The following GPC6 variants were observed in gnomAD, a reference collection of about 807,000 sequenced individuals.
GPC6 encodes glypican-6.
Under a neutral mutation model 55.2 loss-of-function variants are expected in GPC6, and 14 were observed. The ratio of observed to expected loss-of-function variants is 0.25; its 90% confidence interval spans 0.17 to 0.40. The LOEUF is 0.40. GPC6 is among the 10% of genes least tolerant of loss of function. The probability of loss-of-function intolerance (pLI) is 1.00; values close to 1 mark genes in which losing one functional copy is unlikely to be tolerated. For synonymous variants in GPC6, 278 were observed against 259.6 expected (o/e 1.07, Z -0.68); for missense variants, 641 against 708.5 (o/e 0.90, Z 1.08).
At chr13:94,387,544 T>C (rs1880461532) in intron 7 of GPC6, among the ~76,000 whole-genome samples, 1 of 152,230 alleles carries the variant, frequency 6.6e-6, no homozygotes, top group Non-Finnish European at 1.5e-5. Context: ...GGAGATCTTA[T>C]TAAAATGCAG....
intron 4 of GPC6, among the ~76,000 whole-genome samples, chr13:94,142,239 T>G (rs1384522359): frequency 1.3e-5 from 2 of 152,222 alleles, no homozygotes; most frequent in Non-Finnish European, 2.9e-5. Context: ...ACTTATTATT[T>G]TCTTTTGGCC....
At chr13:94,378,575 G>T (rs1424621580) in intron 6 of GPC6, among the ~76,000 whole-genome samples, 1 of 152,098 alleles carries the variant, frequency 6.6e-6, no homozygotes, top group Non-Finnish European at 1.5e-5. Context: ...AAGAGTGTTT[G>T]TCTCTACTGA....
At chr13:93,676,160 TATATATATACATACAC>T (rs1279513694) in intron 2 of GPC6, among the ~76,000 whole-genome samples, 28 of 24,756 alleles carry the variant, frequency 1.1e-3, no homozygotes, top group African/African-American at 2.5e-3. Flanking sequence ...TATATATATA[TATATATATACATACAC>T]ACACACACAC....
In GPC6 at chr13:94,335,797, C is replaced by T. The variant is rs114527048; in HGVS notation, c.1152+29674C>T. Among the ~76,000 whole-genome samples, 478 of 151,918 alleles carry T rather than the reference C, an allele frequency of 3.1e-3. 8 individuals carry two copies. Among genetic ancestry groups the T allele is most frequent in the African/African-American group, 0.011 (454 of 41,510 alleles). ...AGAGACTCCAGAGTTATTATCTGAA[C>T]TTTAGGGAGAACATCCATGCCAAAA... On this transcript the variant is annotated intron_variant, in intron 6 of 8. Transcript: ENST00000377047.
At chr13:93,914,264 T>C (rs1379114954) in intron 3 of GPC6, among the ~76,000 whole-genome samples, 1 of 151,876 alleles carries the variant, frequency 6.6e-6, no homozygotes, top group Non-Finnish European at 1.5e-5. Context: ...CCCCTTCCTG[T>C]GTCCATGTGT....
At chr13:93,242,482 C>A (rs966423139) in intron 1 of GPC6, among the ~76,000 whole-genome samples, 1 of 152,174 alleles carries the variant, frequency 6.6e-6, no homozygotes, top group Admixed American at 6.5e-5. Flanking sequence ...GACACAGTCA[C>A]CCCAAAATGC....
At position 93,407,748 on chromosome 13, in the gene GPC6, G is replaced by T. The variant is rs536483357; in HGVS notation, c.161-137515G>T. 2.0e-4 allele frequency among the ~76,000 whole-genome samples: 31 copies of T among 152,264 alleles called. No individual in the cohort carries two copies. The South Asian group carries it at 6.2e-3, about 31-fold the overall frequency. ...GATGACAAGGGTTCCATCTCATTCT[G>T]CTCAGATTCTGTGGGTAACTTTGAG... On this transcript the variant is annotated intron_variant, in intron 1 of 8. Coordinates refer to ENST00000377047, the MANE Select transcript of GPC6 (RefSeq NM_005708.5).
intron 6 of GPC6, among the ~76,000 whole-genome samples, chr13:94,347,223 T>A (rs1287753876): frequency 6.6e-6 from 1 of 152,142 alleles, no homozygotes; most frequent in Non-Finnish European, 1.5e-5. Flanking sequence ...CCAGGATGGT[T>A]CTTCTGAACC....
intron 2 of GPC6, among the ~76,000 whole-genome samples, chr13:93,691,767 T>C (rs1594375852): frequency 6.6e-6 from 1 of 152,124 alleles, no homozygotes; most frequent in Admixed American, 6.6e-5. Flanking sequence ...TGATAAGTTA[T>C]GAAATTTAAA....
chr13:93,262,566 T>TC (rs1186804315), intron 1 of GPC6, among the ~76,000 whole-genome samples: 3 of 152,216 alleles, frequency 2.0e-5, no homozygotes, highest in Non-Finnish European at 4.4e-5. Context: ...TTGTAATTCT[T>TC]CCAGTGATAG....
chr13:93,837,003 G>A (rs1887759426), intron 3 of GPC6, among the ~76,000 whole-genome samples: 1 of 152,148 alleles, frequency 6.6e-6, no homozygotes, highest in African/African-American at 2.4e-5. Context: ...TGATTATATT[G>A]ATTGAAACAA....
chr13:93,582,296 T>A (rs1460018817), intron 2 of GPC6, among the ~76,000 whole-genome samples: 2 of 152,216 alleles, frequency 1.3e-5, no homozygotes, highest in Admixed American at 6.5e-5. Flanking sequence ...AGAGAGCCTA[T>A]GTCATGGAGT....
intron 2 of GPC6, among the ~76,000 whole-genome samples, chr13:93,805,570 T>C (rs1886520188): frequency 6.6e-6 from 1 of 152,260 alleles, no homozygotes; most frequent in Admixed American, 6.5e-5. Flanking sequence ...ACTTGAACTA[T>C]GTAATGCATG....
chr13:93,665,897 G>A (rs1881112863), intron 2 of GPC6, among the ~76,000 whole-genome samples: 1 of 152,158 alleles, frequency 6.6e-6, no homozygotes, highest in Non-Finnish European at 1.5e-5. Flanking sequence ...TGTGGCCGAA[G>A]ATCAATCATT....
intron 2 of GPC6, among the ~76,000 whole-genome samples, chr13:93,600,222 A>C (rs141229308): frequency 6.6e-6 from 1 of 152,254 alleles, no homozygotes; most frequent in Non-Finnish European, 1.5e-5. Context: ...AAATACAGTT[A>C]CTAAGCATCA....
At chr13:93,354,639 T>G (rs9561325) in intron 1 of GPC6, among the ~76,000 whole-genome samples, 1 of 151,406 alleles carries the variant, frequency 6.6e-6, no homozygotes, top group Non-Finnish European at 1.5e-5. Context: ...GCTGGGATTA[T>G]AGGCGTGAGC....
intron 4 of GPC6, among the ~76,000 whole-genome samples, chr13:94,082,324 A>G (rs530466014): frequency 6.6e-6 from 1 of 152,174 alleles, no homozygotes; most frequent in Admixed American, 6.5e-5. Flanking sequence ...CCACCTCTTC[A>G]TAGTTTCCCT....
chr13:94,404,848 T>C lies in GPC6; in HGVS notation c.*1631T>C, dbSNP rs2139236385. The C allele has an allele frequency of 6.6e-6, 1 of 152,342 alleles. No individual in the cohort carries two copies. Among genetic ancestry groups the C allele is most frequent in the South Asian group, 2.1e-4 (1 of 4,832 alleles). 9.4% of individuals were successfully genotyped at this position (152,342 alleles called of 1,614,324 possible). On this transcript the variant is annotated 3_prime_UTR_variant, in exon 9 of 9. Transcript: ENST00000377047. ...ACCAAGTAGGCCAAAGCCAGGCCTTTCGCTCCCCCTGACAGAGAGAAGCAA... is the reference window on the plus strand; with the variant it reads ...ACCAAGTAGGCCAAAGCCAGGCCTTCCGCTCCCCCTGACAGAGAGAAGCAA...
In GPC6 at chr13:93,680,035, A is replaced by T. The variant is rs927755060; in HGVS notation, c.319+134614A>T. On this transcript the variant is annotated intron_variant, in intron 2 of 8. Transcript: ENST00000377047. ...GGATATGGAGAAATAGAAACAAGGG[A>T]CTCTTATGGGTTGAATCGTGTTTTC... Among the ~76,000 whole-genome samples the T allele has an allele frequency of 2.0e-5, 3 of 151,986 alleles. No individual in the cohort carries two copies. In the East Asian group the frequency reaches 5.8e-4, roughly 29 times the overall value.
Sources: gnomAD v4.1 joint callset for allele counts (sites outside exome capture counted in the v4.1 genomes callset) on GRCh38, gnomAD v4.1.1 for gene constraint, MANE v1.5 for transcripts, NCBI Gene and HGNC (gene_info 2026-07-23, HGNC 2026-07-21) for gene names.